The following TSPAN32 variants were observed in gnomAD, a reference collection of about 807,000 sequenced individuals.
TSPAN32 encodes tetraspanin 32.
In TSPAN32, 47 loss-of-function variants were observed where a neutral mutation model predicts 42.7. That is an observed-to-expected ratio of 1.10 (90% CI 0.87 to 1.40). TSPAN32 has a LOEUF of 1.40. Among genes scored for constraint, TSPAN32 ranks in the 40% most tolerant of loss-of-function variants. The probability of loss-of-function intolerance (pLI) is 0.00; values close to 1 mark genes in which losing one functional copy is unlikely to be tolerated. For missense variants in TSPAN32, 469 were observed against 424.1 expected, an observed-to-expected ratio of 1.11 and a Z score of -0.93; for synonymous variants, 175 against 175.9, an observed-to-expected ratio of 0.99 and a Z score of 0.04.
At position 2,313,842 on chromosome 11, in the gene TSPAN32, G is replaced by T; in HGVS notation, c.456+87G>T. ...AACAGGCGCAGGGTGGCCAGTGAGAGGTCTGGCCAGGCACCGAGGGGGTTC... is the reference window on the plus strand; with the variant it reads ...AACAGGCGCAGGGTGGCCAGTGAGATGTCTGGCCAGGCACCGAGGGGGTTC... On this transcript the variant is annotated intron_variant, in intron 5 of 9. Coordinates refer to ENST00000182290, the MANE Select transcript of TSPAN32 (RefSeq NM_139022.3). This position sits in a 1 kb window ranked among gnomAD's most constrained non-coding sequence, Gnocchi z 9.1. The T allele has an allele frequency of 9.1e-7, 1 of 1,093,488 alleles. No individual in the cohort carries two copies. Among genetic ancestry groups the T allele is most frequent in the Middle Eastern group, 2.7e-4 (1 of 3,758 alleles). The allele number at this position is 1,093,488 out of a possible 1,614,324, so 67.7% of individuals were successfully genotyped here. A position where few individuals can be genotyped will look rare whatever the true frequency, so the allele number is the denominator to read the frequency against.
At position 2,317,409 on chromosome 11, in the gene TSPAN32, G is replaced by A. The variant is rs146837754; in HGVS notation, c.785G>A (p.Cys262Tyr). 52 of 1,601,766 alleles carry A rather than the reference G, an allele frequency of 3.2e-5. No homozygotes were observed. The African/African-American group carries it at 3.8e-4, about 12-fold the overall frequency. ...TGCTCCCAGGGTGGACCCACACATT[G>A]TCTCCACTCCGAAGCAGTTGCTATT... ...LRCSQGGPTH[C>Y]LHSEAVAIGP... Residue 262 changes from cysteine (C) to tyrosine (Y), a missense_variant, in exon 9 of 10, where the codon TGT (cysteine) becomes TAT (tyrosine). By Grantham distance (194) the Cys-to-Tyr change is radical (BLOSUM62 -2). Transcript: ENST00000182290. The surrounding 1 kb of genome is among the most constrained non-coding windows in gnomAD (Gnocchi z 6.2).
Position 2,317,710 on chromosome 11 carries a change from ACT to A in TSPAN32, c.902-152_902-151del, listed in dbSNP as rs1848889180. 1 of 985,226 alleles carries A rather than the reference ACT, an allele frequency of 1.0e-6. No individual in the cohort carries two copies. Among genetic ancestry groups the A allele is most frequent in the African/African-American group, 1.7e-5 (1 of 57,208 alleles). 61.0% of individuals were successfully genotyped at this position (985,226 alleles called of 1,614,324 possible). A position where few individuals can be genotyped will look rare whatever the true frequency, so the allele number is the denominator to read the frequency against. ...TGGGAGCAAGCACAAAGGAAACCAC[ACT>A]GGAGGCAGCAGCCCAGGGCAGACTG... On this transcript the variant is annotated intron_variant, in intron 9 of 9. Transcript: ENST00000182290. This position sits in a 1 kb window ranked among gnomAD's most constrained non-coding sequence, Gnocchi z 6.2.
Position 2,316,618 on chromosome 11 carries a change from C to A in TSPAN32, c.670C>A (p.Arg224Ser), listed in dbSNP as rs200026082. Residue 224 changes from arginine to serine, a missense_variant, in exon 8 of 10, where the codon CGC becomes AGC. Transcript: ENST00000182290. ...LFSSFLWFAIRCGCSLDRKGK... is the reference protein window; with the variant it reads ...LFSSFLWFAISCGCSLDRKGK... ...CAGCTCCTTCCTGTGGTTTGCCATCCGCTGTGGCTGCAGCTTGGACCGCAA... is the reference window on the plus strand; with the variant it reads ...CAGCTCCTTCCTGTGGTTTGCCATCAGCTGTGGCTGCAGCTTGGACCGCAA... The A allele has an allele frequency of 1.0e-5, 16 of 1,549,500 alleles. No homozygotes were observed. Among genetic ancestry groups the A allele is most frequent in the Middle Eastern group, 3.5e-4 (2 of 5,770 alleles).
chr11:2,309,804 T>C (rs993200877), intron 4 of TSPAN32, among the ~76,000 whole-genome samples: 8 of 151,722 alleles, frequency 5.3e-5, no homozygotes, highest in African/African-American at 1.9e-4. Flanking sequence ...CCCACCGTGG[T>C]TTGCAAATGG....
chr11:2,306,330 G>A (rs1403482956), intron 3 of TSPAN32, among the ~76,000 whole-genome samples: 1 of 152,088 alleles, frequency 6.6e-6, no homozygotes, highest in East Asian at 1.9e-4. Flanking sequence ...AGAGCTTGCT[G>A]GGCTGAGAGA....
At position 2,316,655 on chromosome 11, in the gene TSPAN32, C is replaced by T; in HGVS notation, c.707C>T (p.Thr236Ile). ...GCSLDRKGKY[T>I]LTPRACGRQP... ...AGCTTGGACCGCAAGGGCAAATACACCCTGACCCCACGGTAGGGCCCCCTG... is the reference window on the plus strand; with the variant it reads ...AGCTTGGACCGCAAGGGCAAATACATCCTGACCCCACGGTAGGGCCCCCTG... Residue 236 changes from threonine to isoleucine, a missense_variant, in exon 8 of 10, where the codon ACC becomes ATC. Physicochemically the swap from Thr to Ile is moderately conservative, Grantham distance 89. Transcript: ENST00000182290. 4 of 1,531,392 alleles carry T rather than the reference C, an allele frequency of 2.6e-6. No individual in the cohort carries two copies. The highest frequency in any genetic ancestry group is 2.3e-5 in the East Asian group (1 of 44,128). The allele number at this position is 1,531,392 out of a possible 1,614,324, so 94.9% of individuals were successfully genotyped here.
At chr11:2,306,387 G>A (rs1011896011) in intron 3 of TSPAN32, among the ~76,000 whole-genome samples, 1 of 152,074 alleles carries the variant, frequency 6.6e-6, no homozygotes, top group African/African-American at 2.4e-5. Flanking sequence ...ATTCGCTTAT[G>A]TATCTATTTA....
Position 2,304,293 on chromosome 11 carries a change from A to C in TSPAN32, c.279+89A>C, listed in dbSNP as rs1589795634. The C allele has an allele frequency of 2.1e-6, 2 of 943,806 alleles. No homozygotes were observed. The highest frequency in any genetic ancestry group is 2.9e-5 in the Admixed American group (1 of 34,942). 58.5% of individuals were successfully genotyped at this position (943,806 alleles called of 1,614,324 possible). A position where few individuals can be genotyped will look rare whatever the true frequency, so the allele number is the denominator to read the frequency against. ...TGGCAGGGCTGTGTGCCACCCCCAC[A>C]CCTGAGTGACCAGGCAGAACCAGAG... is the stretch of plus-strand genomic sequence containing the variant. On this transcript the variant is annotated intron_variant, in intron 3 of 9. Coordinates refer to ENST00000182290, the MANE Select transcript of TSPAN32 (RefSeq NM_139022.3). The surrounding 1 kb of genome is among the most constrained non-coding windows in gnomAD (Gnocchi z 4.8).
chr11:2,310,398 C>G (rs1037969569), intron 4 of TSPAN32, among the ~76,000 whole-genome samples: 3 of 152,204 alleles, frequency 2.0e-5, no homozygotes, highest in Non-Finnish European at 4.4e-5. Flanking sequence ...CAGCCCCAGG[C>G]AGCATCCCCC....
At chr11:2,309,482 C>A in intron 4 of TSPAN32, 1 of 406,928 alleles carries the variant, frequency 2.5e-6, no homozygotes, top group African/African-American at 2.0e-5. Context: ...GCAGAGCCAG[C>A]CCCACCTTCC....
At chr11:2,307,610 G>A (rs921007007) in intron 3 of TSPAN32, among the ~76,000 whole-genome samples, 6 of 152,292 alleles carry the variant, frequency 3.9e-5, no homozygotes, top group Non-Finnish European at 7.4e-5. Context: ...AAACTGTATC[G>A]GGGGCATCTG....
At chr11:2,315,609 C>CCTG in intron 6 of TSPAN32, 1 of 1,181,194 alleles carries the variant, frequency 8.5e-7, no homozygotes, top group Non-Finnish European at 1.1e-6. Context: ...GGCAGACCTG[C>CCTG]CTGCGGGGGA....
At chr11:2,302,281 C>T in intron 1 of TSPAN32, 66 bp downstream of exon 1, 1 of 1,328,010 alleles carries the variant, frequency 7.5e-7, no homozygotes, top group Non-Finnish European at 9.8e-7. Context: ...GGTGGCAGGG[C>T]CTCAGCACAG....
chr11:2,302,761 G>T lies in TSPAN32; in HGVS notation c.67-83G>T, dbSNP rs765995068. ...TCACGGGACCGGGAAGCTGGAGAGA[G>T]CCCCAACCCTGCCCGCTGGGGCCGA... is the stretch of plus-strand genomic sequence containing the variant. On this transcript the variant is annotated intron_variant, in intron 1 of 9. Transcript: ENST00000182290. The T allele has an allele frequency of 2.6e-6, 3 of 1,140,572 alleles. No individual in the cohort carries two copies. The Admixed American group carries it at 6.0e-5, about 23-fold the overall frequency. The allele number at this position is 1,140,572 out of a possible 1,614,324, so 70.7% of individuals were successfully genotyped here.
In TSPAN32 at chr11:2,314,535, GGCT is replaced by G. The variant is rs752515915; in HGVS notation, c.509_511del (p.Ala170del). ...CTTTCAGCCGTCTGGGGAGCACAGAGGCTGACCTGTGTCAGGGAGAGGAGGCGG... is the reference window on the plus strand; with the variant it reads ...CTTTCAGCCGTCTGGGGAGCACAGAGGACCTGTGTCAGGGAGAGGAGGCGG... On this transcript the variant is annotated inframe_deletion, in exon 6 of 10. Transcript: ENST00000182290. The G allele has an allele frequency of 1.2e-5, 20 of 1,612,464 alleles. No homozygotes were observed. In the East Asian group the frequency reaches 4.2e-4, roughly 34 times the overall value.
intron 6 of TSPAN32, chr11:2,315,175 T>G: frequency 1.1e-5 from 3 of 283,694 alleles, no homozygotes; most frequent in South Asian, 3.6e-5. Context: ...CAGCCCACCC[T>G]GCCCCCTCCC....
At position 2,317,629 on chromosome 11, in the gene TSPAN32, T is replaced by C. The variant is rs778957473; in HGVS notation, c.901+104T>C. ...GCCCAGCCAGAGAGCCAGGCTCCAT[T>C]GGGAACAGATGCAAGGGTAAGGGGT... is the stretch of plus-strand genomic sequence containing the variant. On this transcript the variant is annotated intron_variant, in intron 9 of 9. Transcript: ENST00000182290. This position sits in a 1 kb window ranked among gnomAD's most constrained non-coding sequence, Gnocchi z 6.2. 7 of 1,489,874 alleles carry C rather than the reference T, an allele frequency of 4.7e-6. No homozygotes were observed. Among genetic ancestry groups the C allele is most frequent in the Non-Finnish European group, 5.3e-6 (6 of 1,125,078 alleles). 92.3% of individuals were successfully genotyped at this position (1,489,874 alleles called of 1,614,324 possible).
chr11:2,315,316 T>C, intron 6 of TSPAN32: 1 of 1,160,172 alleles, frequency 8.6e-7, no homozygotes, highest in Non-Finnish European at 1.1e-6. Flanking sequence ...TGGTGAGGGG[T>C]GGAGCCACAG....
At chr11:2,310,230 T>C (rs1848386094) in intron 4 of TSPAN32, among the ~76,000 whole-genome samples, 2 of 152,178 alleles carry the variant, frequency 1.3e-5, no homozygotes, top group African/African-American at 4.8e-5. Flanking sequence ...TGCCCCATGC[T>C]TCTGTGTGTT....
Sources: gnomAD v4.1 joint callset for allele counts (sites outside exome capture counted in the v4.1 genomes callset) on GRCh38, gnomAD v4.1.1 for gene constraint, Gnocchi (gnomAD v3.1) non-coding constraint, MANE v1.5 for transcripts, NCBI Gene and HGNC (gene_info 2026-07-23, HGNC 2026-07-21) for gene names.